The following WDR70 variants were observed in gnomAD, a reference collection of about 807,000 sequenced individuals.
WDR70 encodes WD repeat domain 70, also known as WD repeat-containing protein 70.
A neutral mutation model predicts 88.6 loss-of-function variants in WDR70; 53 were observed. That is an observed-to-expected ratio of 0.60 (90% confidence interval 0.48 to 0.75). The LOEUF (loss-of-function observed/expected upper bound fraction) is 0.75. Among genes scored for constraint, WDR70 ranks in the 30% least tolerant of loss-of-function variants. The probability of loss-of-function intolerance (pLI) is 0.00; values close to 1 mark genes in which losing one functional copy is unlikely to be tolerated. For synonymous variants in WDR70, 280 were observed against 270.0 expected, an observed-to-expected ratio of 1.04 and a Z score of -0.36; for missense variants, 610 against 823.2, an observed-to-expected ratio of 0.74 and a Z score of 3.17.
intron 9 of WDR70, among the ~76,000 whole-genome samples, chr5:37,586,519 C>T (rs1743369118): frequency 6.6e-6 from 1 of 152,198 alleles, no homozygotes; most frequent in South Asian, 2.1e-4. Flanking sequence ...ATCAACCCGT[C>T]ACCTACATTA....
intron 9 of WDR70, among the ~76,000 whole-genome samples, chr5:37,544,250 G>A (rs1741920162): frequency 1.3e-5 from 2 of 152,126 alleles, no homozygotes; most frequent in African/African-American, 4.8e-5. Context: ...TGGAGAAAGA[G>A]TTCTTTAGTC....
Position 37,440,039 on chromosome 5 carries a change from C to T in WDR70, c.552+2058C>T, listed in dbSNP as rs140236619. 1.6e-3 allele frequency among the ~76,000 whole-genome samples: 248 copies of T among 152,116 alleles called. 1 individual carries two copies. Among genetic ancestry groups the T allele is most frequent in the African/African-American group, 5.7e-3 (235 of 41,498 alleles). On this transcript the variant is annotated intron_variant, in intron 6 of 17. Coordinates refer to ENST00000265107, the MANE Select transcript of WDR70 (RefSeq NM_018034.4). The stretch of plus-strand genomic sequence containing the variant: ...AATATCTCATTAGTGTTCAAATTTC[C>T]CCAGTTTTCTCATACATCTTTTTAG...
intron 9 of WDR70, among the ~76,000 whole-genome samples, chr5:37,574,731 G>A (rs1049477919): frequency 2.0e-5 from 3 of 152,062 alleles, no homozygotes; most frequent in East Asian, 1.9e-4. Context: ...TCTCCAAACC[G>A]GTAGCTCTCC....
intron 8 of WDR70, among the ~76,000 whole-genome samples, chr5:37,512,146 A>G (rs1266572920): frequency 1.3e-5 from 2 of 152,130 alleles, no homozygotes; most frequent in East Asian, 1.9e-4. Flanking sequence ...GCTTGTGGCT[A>G]TATAACTCCA....
intron 10 of WDR70, among the ~76,000 whole-genome samples, chr5:37,637,197 C>A (rs1182400872): frequency 6.6e-6 from 1 of 151,892 alleles, no homozygotes; most frequent in African/African-American, 2.4e-5. Context: ...CAAAAATTAG[C>A]CAGGCATGAT....
intron 9 of WDR70, among the ~76,000 whole-genome samples, chr5:37,574,356 T>G (rs185408765): frequency 7.7e-4 from 118 of 152,306 alleles, no homozygotes; most frequent in African/African-American, 2.7e-3. Context: ...AGTTGTTTCT[T>G]GAAAGGACAT....
At chr5:37,523,678 C>G (rs142425073) in intron 9 of WDR70, among the ~76,000 whole-genome samples, 64 of 152,296 alleles carry the variant, frequency 4.2e-4, no homozygotes, top group African/African-American at 1.5e-3. Context: ...GATCAAACTT[C>G]TCCGAGTTAA....
intron 7 of WDR70, among the ~76,000 whole-genome samples, chr5:37,452,454 C>T (rs532851820): frequency 3.9e-5 from 6 of 152,188 alleles, no homozygotes; most frequent in East Asian, 1.9e-4. Context: ...TTAGTAGAGA[C>T]GTGGTTTCAC....
At chr5:37,555,219 T>G (rs1426876130) in intron 9 of WDR70, among the ~76,000 whole-genome samples, 2 of 152,188 alleles carry the variant, frequency 1.3e-5, no homozygotes, top group Non-Finnish European at 2.9e-5. Context: ...TATAACGTAG[T>G]GATATGAGGC....
intron 10 of WDR70, among the ~76,000 whole-genome samples, chr5:37,677,656 T>C (rs1258737875): frequency 6.6e-6 from 1 of 150,532 alleles, no homozygotes; most frequent in Non-Finnish European, 1.5e-5. Flanking sequence ...TACTTCCAAC[T>C]ATGTGGTCAA....
intron 9 of WDR70, among the ~76,000 whole-genome samples, chr5:37,603,504 G>A (rs1056667789): frequency 7.2e-5 from 11 of 152,038 alleles, no homozygotes; most frequent in Admixed American, 1.3e-4. Context: ...ACTGTAAAAC[G>A]ACTAGAAGAA....
At chr5:37,718,648 G>A (rs999583179) in intron 13 of WDR70, among the ~76,000 whole-genome samples, 1 of 152,138 alleles carries the variant, frequency 6.6e-6, no homozygotes, top group Non-Finnish European at 1.5e-5. Flanking sequence ...GGATACCTGA[G>A]TATAATAATG....
intron 9 of WDR70, among the ~76,000 whole-genome samples, chr5:37,529,965 A>T (rs1279444820): frequency 6.6e-6 from 1 of 152,184 alleles, no homozygotes; most frequent in Non-Finnish European, 1.5e-5. Flanking sequence ...GGATTGTCAT[A>T]GATGGCTTTT....
At chr5:37,608,733 T>A (rs964083815) in intron 10 of WDR70, among the ~76,000 whole-genome samples, 1 of 152,020 alleles carries the variant, frequency 6.6e-6, no homozygotes, top group African/African-American at 2.4e-5. Context: ...AATTTTCTTG[T>A]TTTTTATAGA....
chr5:37,499,513 T>G (rs1327240282), intron 8 of WDR70, among the ~76,000 whole-genome samples: 3 of 151,920 alleles, frequency 2.0e-5, no homozygotes, highest in Non-Finnish European at 4.4e-5. Flanking sequence ...TGTTAATGTT[T>G]GTTTTTCAGT....
intron 9 of WDR70, among the ~76,000 whole-genome samples, chr5:37,535,583 G>A (rs1020763386): frequency 1.3e-5 from 2 of 152,068 alleles, no homozygotes; most frequent in African/African-American, 4.8e-5. Flanking sequence ...CTCTCTGGAA[G>A]TACCATAATA....
chr5:37,740,073 C>T (rs756339295), intron 17 of WDR70, among the ~76,000 whole-genome samples: 13 of 152,094 alleles, frequency 8.5e-5, no homozygotes, highest in South Asian at 2.1e-4. Context: ...TTGTATCTGT[C>T]GTTTTACTTT....
intron 17 of WDR70, among the ~76,000 whole-genome samples, chr5:37,732,640 C>T (rs1462881211): frequency 1.3e-5 from 2 of 152,014 alleles, no homozygotes; most frequent in South Asian, 2.1e-4. Flanking sequence ...TTTCTTAAAG[C>T]CCTTAAAACC....
chr5:37,484,969 A>G (rs1739811599), intron 8 of WDR70, among the ~76,000 whole-genome samples: 1 of 152,248 alleles, frequency 6.6e-6, no homozygotes, highest in Non-Finnish European at 1.5e-5. Flanking sequence ...TAACATTGAT[A>G]GTATAGATAA....
Sources: gnomAD v4.1 joint callset for allele counts (sites outside exome capture counted in the v4.1 genomes callset) on GRCh38, gnomAD v4.1.1 for gene constraint, MANE v1.5 for transcripts, NCBI Gene and HGNC (gene_info 2026-07-23, HGNC 2026-07-21) for gene names.